The following TCERG1L variants were observed in gnomAD, a reference collection of about 807,000 sequenced individuals.
The protein encoded by TCERG1L is transcription elongation regulator 1 like, also known as transcription elongation regulator 1-like protein.
Under a neutral mutation model 56.3 loss-of-function variants are expected in TCERG1L, and 37 were observed. The observed-to-expected ratio is 0.66, with a 90% CI of 0.51 to 0.87. The LOEUF (loss-of-function observed/expected upper bound fraction) is 0.87, where lower values mean the gene tolerates loss of function less well. Ranked by LOEUF, TCERG1L falls within the 40% of genes least tolerant of loss-of-function variation. TCERG1L has a pLI of 0.00. For missense variants in TCERG1L, 799 were observed against 774.2 expected (o/e 1.03, Z -0.38); for synonymous variants, 324 against 326.3 (o/e 0.99, Z 0.08).
chr10:131,169,605 T>C (rs1354240836), intron 4 of TCERG1L, among the ~76,000 whole-genome samples: 3 of 152,144 alleles, frequency 2.0e-5, no homozygotes, highest in Admixed American at 6.5e-5. Context: ...TTATCTAAAG[T>C]ACAGCAAAGA....
chr10:131,236,483 C>A (rs1845914167), intron 4 of TCERG1L, among the ~76,000 whole-genome samples: 1 of 152,180 alleles, frequency 6.6e-6, no homozygotes, highest in South Asian at 2.1e-4. Flanking sequence ...GGTCACCGTG[C>A]CCTGTGGCTA....
intron 3 of TCERG1L, among the ~76,000 whole-genome samples, chr10:131,276,461 T>A (rs541562467): frequency 1.1e-3 from 161 of 152,360 alleles, no homozygotes; most frequent in Admixed American, 1.6e-3. Context: ...GCAGCTGTTT[T>A]CAAACCACTT....
rs937298375 is a variant in TCERG1L, at chr10:131,257,186, C to T, written c.856+3073G>A. 3.9e-5 allele frequency among the ~76,000 whole-genome samples: 6 copies of T among 152,042 alleles called. No homozygotes were observed. The East Asian group carries it at 7.7e-4, about 20-fold the overall frequency. The stretch of plus-strand genomic sequence containing the variant: ...ATTGCTGTGTTGGGTGCAGGCAGGG[C>T]GGGGATGGAAAGATGCAACCTCTGC... On this transcript the variant is annotated intron_variant, in intron 4 of 11. Transcript: ENST00000368642.
intron 1 of TCERG1L, 140 bp from the exon 2 acceptor site, chr10:131,309,439 AAAAACT>A (rs757156642): frequency 1.0e-5 from 12 of 1,162,528 alleles, no homozygotes; most frequent in Non-Finnish European, 1.4e-5. Flanking sequence ...TTTCCTCGAG[AAAAACT>A]ATAAGTATGT....
intron 7 of TCERG1L, among the ~76,000 whole-genome samples, chr10:131,141,087 G>A (rs1391455926): frequency 3.3e-5 from 5 of 152,146 alleles, no homozygotes; most frequent in Admixed American, 6.5e-5. Flanking sequence ...GACCTGACAC[G>A]GCCACTTTGC....
chr10:131,123,900 G>A (rs916022520), intron 8 of TCERG1L, among the ~76,000 whole-genome samples: 5 of 147,822 alleles, frequency 3.4e-5, no homozygotes, highest in East Asian at 2.0e-4. Context: ...AGACTGCCCC[G>A]TGACGATTTC....
chr10:131,272,842 C>A (rs1238793758), intron 3 of TCERG1L, among the ~76,000 whole-genome samples: 2 of 152,234 alleles, frequency 1.3e-5, no homozygotes, highest in East Asian at 3.9e-4. Context: ...TCCACGGGAC[C>A]TAGAGGTCAC....
chr10:131,248,019 TCACA>T (rs1394412380), intron 4 of TCERG1L, among the ~76,000 whole-genome samples: 2 of 147,738 alleles, frequency 1.4e-5, no homozygotes, highest in Admixed American at 6.7e-5. Flanking sequence ...ATGCATACAC[TCACA>T]CACACAGGTA....
intron 4 of TCERG1L, among the ~76,000 whole-genome samples, chr10:131,242,971 T>C (rs1361814300): frequency 6.6e-6 from 1 of 152,176 alleles, no homozygotes; most frequent in Non-Finnish European, 1.5e-5. Context: ...GACGTCAATC[T>C]CCACGTGTTA....
intron 3 of TCERG1L, among the ~76,000 whole-genome samples, chr10:131,290,654 C>T (rs1846606079): frequency 7.1e-6 from 1 of 140,440 alleles, no homozygotes. Context: ...AAAAAAAAAC[C>T]TTAACATTAA....
At chr10:131,235,623 T>C (rs1845905016) in intron 4 of TCERG1L, among the ~76,000 whole-genome samples, 1 of 152,252 alleles carries the variant, frequency 6.6e-6, no homozygotes, top group Non-Finnish European at 1.5e-5. Flanking sequence ...CTCTATCTAC[T>C]GATACAGAAA....
intron 4 of TCERG1L, among the ~76,000 whole-genome samples, chr10:131,248,624 T>C (rs981667658): frequency 6.6e-6 from 1 of 152,152 alleles, no homozygotes; most frequent in African/African-American, 2.4e-5. Flanking sequence ...CATCTTAGCC[T>C]AGTTCGGGAC....
chr10:131,277,243 G>A (rs115061640), intron 3 of TCERG1L, among the ~76,000 whole-genome samples: 2,149 of 152,266 alleles, frequency 0.014, 47 homozygotes, highest in African/African-American at 0.05. Flanking sequence ...AGGTCACAGA[G>A]GGCTTAAAGC....
At chr10:131,130,475 T>C (rs1289549716) in intron 8 of TCERG1L, among the ~76,000 whole-genome samples, 1 of 152,202 alleles carries the variant, frequency 6.6e-6, no homozygotes, top group Non-Finnish European at 1.5e-5. Flanking sequence ...GACCATTTCC[T>C]CTTTGGCTTC....
At chr10:131,233,513 C>T (rs1015787318) in intron 4 of TCERG1L, among the ~76,000 whole-genome samples, 2 of 151,958 alleles carry the variant, frequency 1.3e-5, no homozygotes, top group African/African-American at 4.8e-5. Flanking sequence ...CATGCACACA[C>T]AAAATTTGAT....
chr10:131,180,589 A>T (rs143726728), intron 4 of TCERG1L, among the ~76,000 whole-genome samples: 1 of 152,290 alleles, frequency 6.6e-6, no homozygotes, highest in African/African-American at 2.4e-5. Context: ...AGAGAATTTC[A>T]AGGGGGGCCG....
Position 131,311,685 on chromosome 10 carries a change from T to G in TCERG1L, c.-50A>C. 1.1e-6 allele frequency: 1 copy of G among 945,190 alleles called. No homozygotes were observed. Among genetic ancestry groups the G allele is most frequent in the African/African-American group, 1.8e-5 (1 of 56,392 alleles). The allele number at this position is 945,190 out of a possible 1,614,324, so 58.6% of individuals were successfully genotyped here. On this transcript the variant is annotated 5_prime_UTR_variant, in exon 1 of 12. Transcript: ENST00000368642. The surrounding 1 kb of genome is among the most constrained non-coding windows in gnomAD (Gnocchi z 4.0). ...CGGCGGGGGCGGCGGGCGCCCGAGATGCTGGGCCGGCGGCGGCGCGGCTCC... is the reference window on the plus strand; with the variant it reads ...CGGCGGGGGCGGCGGGCGCCCGAGAGGCTGGGCCGGCGGCGGCGCGGCTCC...
chr10:131,200,423 A>G (rs1435800399), intron 4 of TCERG1L, among the ~76,000 whole-genome samples: 1 of 152,256 alleles, frequency 6.6e-6, no homozygotes, highest in East Asian at 1.9e-4. Flanking sequence ...AAAGAAGGTG[A>G]TTCTCAAACC....
At chr10:131,213,488 G>C (rs1009369759) in intron 4 of TCERG1L, among the ~76,000 whole-genome samples, 8 of 152,168 alleles carry the variant, frequency 5.3e-5, no homozygotes, top group African/African-American at 1.7e-4. Context: ...TGAGCAGCTA[G>C]GCACGTGGGA....
Sources: gnomAD v4.1 joint callset for allele counts (sites outside exome capture counted in the v4.1 genomes callset) on GRCh38, gnomAD v4.1.1 for gene constraint, Gnocchi (gnomAD v3.1) non-coding constraint, MANE v1.5 for transcripts, NCBI Gene and HGNC (gene_info 2026-07-23, HGNC 2026-07-21) for gene names.